EDAR: variants seen among roughly 807,000 people sequenced by gnomAD.
EDAR encodes ectodysplasin A receptor.
A neutral mutation model predicts 51.3 loss-of-function variants in EDAR; 38 were observed. The observed-to-expected ratio is 0.74, with a 90% confidence interval of 0.57 to 0.97. EDAR has a LOEUF of 0.97. EDAR is among the 50% of genes least tolerant of loss of function. EDAR has a pLI of 0.00. For synonymous variants in EDAR, 227 were observed against 242.1 expected (o/e 0.94, Z 0.58); for missense variants, 528 against 595.0 (o/e 0.89, Z 1.17).
At chr2:108,948,774 G>C (rs1012340685) in intron 1 of EDAR, among the ~76,000 whole-genome samples, 1 of 152,180 alleles carries the variant, frequency 6.6e-6, no homozygotes. Context: ...GGGGATTACA[G>C]TTTGAGATGA....
At chr2:108,909,145 C>T (rs1558800818) in intron 9 of EDAR, among the ~76,000 whole-genome samples, 1 of 152,148 alleles carries the variant, frequency 6.6e-6, no homozygotes, top group Admixed American at 6.5e-5. Flanking sequence ...ATATTTTTTC[C>T]TAATAGGGCC....
intron 1 of EDAR, among the ~76,000 whole-genome samples, chr2:108,965,072 C>T (rs766451626): frequency 6.6e-6 from 1 of 152,070 alleles, no homozygotes; most frequent in Non-Finnish European, 1.5e-5. Context: ...AACTATGCCA[C>T]CCACTTAGAA....
chr2:108,918,931 G>T (rs1378643006), intron 5 of EDAR, among the ~76,000 whole-genome samples: 1 of 152,164 alleles, frequency 6.6e-6, no homozygotes, highest in African/African-American at 2.4e-5. Flanking sequence ...ACCCCCAGTG[G>T]CAGATTCTGA....
At chr2:108,938,980 A>G (rs1417158737) in intron 1 of EDAR, among the ~76,000 whole-genome samples, 1 of 152,036 alleles carries the variant, frequency 6.6e-6, no homozygotes, top group Non-Finnish European at 1.5e-5. Flanking sequence ...GGGTTTCACC[A>G]TGTTGGTCAG....
chr2:108,904,099 A>G (rs1462882818), intron 11 of EDAR, among the ~76,000 whole-genome samples: 1 of 152,196 alleles, frequency 6.6e-6, no homozygotes, highest in Non-Finnish European at 1.5e-5. Flanking sequence ...ATATTTTTAA[A>G]AACCCTCAAA....
intron 11 of EDAR, among the ~76,000 whole-genome samples, chr2:108,900,089 ATG>A (rs1275744741): frequency 6.6e-6 from 1 of 152,238 alleles, no homozygotes; most frequent in Non-Finnish European, 1.5e-5. Context: ...TAAAATCAAA[ATG>A]TATCACTCAA....
At chr2:108,978,260 G>A (rs1040743816) in intron 1 of EDAR, among the ~76,000 whole-genome samples, 3 of 152,166 alleles carry the variant, frequency 2.0e-5, no homozygotes, top group South Asian at 2.1e-4. Flanking sequence ...CAGGCAGGGC[G>A]TGGAAGTGTT....
At chr2:108,954,999 CACAGGA>C (rs1420312012) in intron 1 of EDAR, among the ~76,000 whole-genome samples, 1 of 152,044 alleles carries the variant, frequency 6.6e-6, no homozygotes, top group African/African-American at 2.4e-5. Context: ...GATAATCTTA[CACAGGA>C]ACTCCCACCA....
chr2:108,987,781 G>A (rs1398776644), intron 1 of EDAR, among the ~76,000 whole-genome samples: 2 of 152,164 alleles, frequency 1.3e-5, no homozygotes, highest in Non-Finnish European at 2.9e-5. Context: ...GACTGTCATC[G>A]GAACGAACGC....
intron 5 of EDAR, among the ~76,000 whole-genome samples, chr2:108,921,484 C>T (rs1187064316): frequency 6.6e-6 from 1 of 152,186 alleles, no homozygotes; most frequent in Non-Finnish European, 1.5e-5. Flanking sequence ...CTCTTGACCA[C>T]AACTGTGGGT....
rs1201120732 is a variant in EDAR, at chr2:108,894,822, A to G, written c.*2085T>C. 2.0e-5 allele frequency: 3 copies of G among 152,240 alleles called. No individual in the cohort carries two copies. The highest frequency in any genetic ancestry group is 2.9e-5 in the Non-Finnish European group (2 of 68,042). The allele number at this position is 152,240 out of a possible 1,614,324, so 9.4% of individuals were successfully genotyped here. On this transcript the variant is annotated 3_prime_UTR_variant, in exon 12 of 12. Transcript: ENST00000258443. ...CCTAAAAATGGCAGGTGGAGAGCCA[A>G]TGGAACATGAGCTGACACTGGCTGG...
intron 1 of EDAR, among the ~76,000 whole-genome samples, chr2:108,978,760 G>A (rs2104465810): frequency 6.6e-6 from 1 of 152,328 alleles, no homozygotes; most frequent in East Asian, 1.9e-4. Flanking sequence ...TATGGAGACA[G>A]TCTATCGGTA....
chr2:108,945,819 T>C (rs556736117), intron 1 of EDAR, among the ~76,000 whole-genome samples: 1 of 152,270 alleles, frequency 6.6e-6, no homozygotes, highest in African/African-American at 2.4e-5. Flanking sequence ...AAAGGACAAA[T>C]ATCATGTGAT....
chr2:108,984,553 C>G (rs1373491155), intron 1 of EDAR, among the ~76,000 whole-genome samples: 1 of 152,156 alleles, frequency 6.6e-6, no homozygotes, highest in Admixed American at 6.5e-5. Flanking sequence ...CTCACCCCAC[C>G]CCAGGGCCTC....
chr2:108,926,038 G>C (rs916976076), intron 4 of EDAR, among the ~76,000 whole-genome samples: 1 of 152,160 alleles, frequency 6.6e-6, no homozygotes, highest in Admixed American at 6.5e-5. Flanking sequence ...ACGTATTGCT[G>C]CATGCAACAT....
chr2:108,903,930 A>G (rs1316432691), intron 11 of EDAR, among the ~76,000 whole-genome samples: 2 of 152,172 alleles, frequency 1.3e-5, no homozygotes, highest in Non-Finnish European at 2.9e-5. Flanking sequence ...CATCCATAAA[A>G]AGAAAACTTT....
At chr2:108,926,318 T>A (rs1379203747) in intron 4 of EDAR, among the ~76,000 whole-genome samples, 1 of 152,222 alleles carries the variant, frequency 6.6e-6, no homozygotes, top group Admixed American at 6.5e-5. Flanking sequence ...ACCCCTGTTC[T>A]ACATAGGTTG....
chr2:108,925,669 G>T (rs1195353224), intron 4 of EDAR, among the ~76,000 whole-genome samples: 1 of 151,994 alleles, frequency 6.6e-6, no homozygotes, highest in Non-Finnish European at 1.5e-5. Context: ...CCATGCTGGA[G>T]TACAGAGAAG....
At chr2:108,988,307 C>T (rs1028942371) in intron 1 of EDAR, among the ~76,000 whole-genome samples, 3 of 152,160 alleles carry the variant, frequency 2.0e-5, no homozygotes, top group African/African-American at 7.2e-5. Flanking sequence ...GAATCAGAGC[C>T]GACTGAATCA....
Sources: allele counts gnomAD v4.1 joint callset (sites outside exome capture counted in the v4.1 genomes callset), GRCh38; gene constraint gnomAD v4.1.1; transcripts MANE v1.5; gene names NCBI Gene and HGNC (gene_info 2026-07-23, HGNC 2026-07-21).